The following PTPN22 variants were observed in gnomAD, a reference collection of about 807,000 sequenced individuals.
The protein encoded by PTPN22 is protein tyrosine phosphatase non-receptor type 22.
PTPN22 carries 85 observed loss-of-function variants against 103.3 expected under a neutral mutation model. The observed-to-expected ratio is 0.82, with a 90% CI of 0.69 to 0.99. The LOEUF (loss-of-function observed/expected upper bound fraction) is 0.99, where lower values mean the gene tolerates loss of function less well. Among genes scored for constraint, PTPN22 ranks in the 50% least tolerant of loss-of-function variants. PTPN22 has a pLI of 0.00. For synonymous variants in PTPN22, 323 were observed against 310.2 expected, an observed-to-expected ratio of 1.04 and a Z score of -0.43; for missense variants, 865 against 936.9, an observed-to-expected ratio of 0.92 and a Z score of 1.00.
chr1:113,866,504 C>T (rs1229192807), intron 1 of PTPN22, among the ~76,000 whole-genome samples: 1 of 148,480 alleles, frequency 6.7e-6, no homozygotes, highest in Non-Finnish European at 1.5e-5. Context: ...AGTGAGACTC[C>T]ATCTCAAAAC....
chr1:113,829,704 A>G (rs1475673221), exon 18 of PTPN22: 3 of 1,506,940 alleles, frequency 2.0e-6, no homozygotes, highest in Non-Finnish European at 2.7e-6. Flanking sequence ...TTGGGCCTGC[A>G]TACCTTAAAA....
chr1:113,829,253 T>C (rs1662345954), intron 18 of PTPN22: 1 of 153,570 alleles, frequency 6.5e-6, no homozygotes, highest in African/African-American at 2.4e-5. Context: ...TATTTTTATT[T>C]TTTAATTTTT....
At chr1:113,840,160 G>A (rs948066472) in intron 11 of PTPN22, among the ~76,000 whole-genome samples, 18 of 149,244 alleles carry the variant, frequency 1.2e-4, no homozygotes, top group Admixed American at 2.7e-4. Context: ...GAAGTGAGCC[G>A]AGATCGTACC....
At chr1:113,848,655 G>A (rs767350853) in intron 10 of PTPN22, 29 bp from the exon 11 acceptor site, 1 of 1,583,170 alleles carries the variant, frequency 6.3e-7, no homozygotes, top group Non-Finnish European at 8.5e-7. Context: ...CAGAACAAAT[G>A]AAAACAAAAA....
chr1:113,846,992 A>ATTTTTTTTTTTTTTTTTTTT (rs778146828), intron 11 of PTPN22, among the ~76,000 whole-genome samples: 1 of 76,116 alleles, frequency 1.3e-5, no homozygotes, highest in Admixed American at 1.5e-4. Flanking sequence ...CCAATGCTAG[A>ATTTTTTTTTTTTTTTTTTTT]TTTTTTTTTT....
exon 18 of PTPN22, chr1:113,829,666 G>T (rs372867806): frequency 6.2e-7 from 1 of 1,607,480 alleles, no homozygotes; most frequent in African/African-American, 1.3e-5. Flanking sequence ...ATGGTGTCAG[G>T]ATAGCTAGTA....
chr1:113,849,252 CA>C (rs964122432), intron 10 of PTPN22, among the ~76,000 whole-genome samples: 5 of 151,544 alleles, frequency 3.3e-5, no homozygotes, highest in African/African-American at 1.2e-4. Context: ...ATAAAGATAC[CA>C]AAAAAAAGTA....
In PTPN22 at chr1:113,852,017, T is replaced by G. The variant is rs2102064996; in HGVS notation, c.828+10A>C. Reference sequence around the variant, plus strand: ...GACACATGTTCTGATCCATTCACTATAGTTCATACCTGCGTTTGAACTAAT... The same window carrying G: ...GACACATGTTCTGATCCATTCACTAGAGTTCATACCTGCGTTTGAACTAAT... On this transcript the variant is annotated intron_variant, in intron 10 of 20. Coordinates refer to ENST00000359785, the Ensembl canonical transcript of PTPN22. The G allele has an allele frequency of 6.3e-7, 1 of 1,592,416 alleles. No homozygotes were observed.
chr1:113,867,875 G>C (rs764217344), intron 1 of PTPN22, among the ~76,000 whole-genome samples: 8 of 152,118 alleles, frequency 5.3e-5, no homozygotes, highest in Non-Finnish European at 1.0e-4. Context: ...AGTATCTGTG[G>C]GGGACTGGTT....
chr1:113,861,736 A>G (rs1276477670), intron 1 of PTPN22, among the ~76,000 whole-genome samples: 1 of 152,076 alleles, frequency 6.6e-6, no homozygotes, highest in Non-Finnish European at 1.5e-5. Flanking sequence ...CCAATATCCC[A>G]AGAAAGAACA....
intron 19 of PTPN22, among the ~76,000 whole-genome samples, chr1:113,820,069 C>A (rs1326768184): frequency 1.3e-5 from 2 of 151,838 alleles, no homozygotes; most frequent in African/African-American, 4.8e-5. Context: ...CATGACAAGT[C>A]TTTTATTTGT....
Position 113,833,108 on chromosome 1 carries a change from T to C in PTPN22, c.2053+3A>G. ...GTCATCTAAAGCCAAGAGAAATTTT[T>C]ACCTGATTTAGGACTTCGGAGTTTT... On this transcript the variant is annotated splice_donor_region_variant and intron_variant, in intron 16 of 20. Coordinates refer to ENST00000359785, the Ensembl canonical transcript of PTPN22. 4 of 1,566,528 alleles carry C rather than the reference T, an allele frequency of 2.6e-6. No homozygotes were observed. Among genetic ancestry groups the C allele is most frequent in the Non-Finnish European group, 2.6e-6 (3 of 1,140,818 alleles).
chr1:113,867,911 A>G (rs1666249919), intron 1 of PTPN22, among the ~76,000 whole-genome samples: 1 of 152,174 alleles, frequency 6.6e-6, no homozygotes, highest in Admixed American at 6.6e-5. Flanking sequence ...TCAATTACCA[A>G]AATCTGTGGA....
intron 10 of PTPN22, among the ~76,000 whole-genome samples, chr1:113,850,631 A>C (rs1234149946): frequency 2.0e-5 from 3 of 152,242 alleles, no homozygotes; most frequent in Admixed American, 2.0e-4. Context: ...CACAGGTTGA[A>C]TATAGAAAAC....
At chr1:113,833,589 A>G (rs1191701483) in intron 15 of PTPN22, among the ~76,000 whole-genome samples, 1 of 152,216 alleles carries the variant, frequency 6.6e-6, no homozygotes, top group African/African-American at 2.4e-5. Flanking sequence ...CAGCATTGCA[A>G]TTGTAGGTAC....
At chr1:113,834,384 A>C (rs74163661) in exon 15 of PTPN22, 42 of 1,613,618 alleles carry the variant, frequency 2.6e-5, no homozygotes, top group Non-Finnish European at 3.6e-5. Context: ...GTGATGTTCC[A>C]ATTTTTACCT....
chr1:113,871,518 G>C lies in PTPN22; in HGVS notation c.87+19C>G. ...ATAGTGTATGTAACTACCCTGAGAG[G>C]GTCACATACAGGACTCACCAGAAAT... On this transcript the variant is annotated intron_variant, in intron 1 of 20. Coordinates refer to ENST00000359785, the Ensembl canonical transcript of PTPN22. 6.2e-7 allele frequency: 1 copy of C among 1,601,936 alleles called. No homozygotes were observed. Among genetic ancestry groups the C allele is most frequent in the African/African-American group, 1.3e-5 (1 of 74,680 alleles).
At chr1:113,817,434 T>A (rs1661248537) in intron 20 of PTPN22, among the ~76,000 whole-genome samples, 1 of 151,892 alleles carries the variant, frequency 6.6e-6, no homozygotes, top group Non-Finnish European at 1.5e-5. Context: ...AAGTAAGTGC[T>A]GATTTTTGGG....
chr1:113,843,921 A>C (rs2102010526), intron 11 of PTPN22, among the ~76,000 whole-genome samples: 2 of 152,212 alleles, frequency 1.3e-5, no homozygotes, highest in South Asian at 4.1e-4. Flanking sequence ...ATTGTGGTAG[A>C]TTGTGTTTGA....
Sources: allele counts gnomAD v4.1 joint callset (sites outside exome capture counted in the v4.1 genomes callset), GRCh38; gene constraint gnomAD v4.1.1; transcripts MANE v1.5; gene names NCBI Gene and HGNC (gene_info 2026-07-23, HGNC 2026-07-21).